P2RY8: variants seen among roughly 807,000 people sequenced by gnomAD.
P2RY8 encodes the protein P2Y receptor family member 8, also known as S-geranylgeranyl-glutathione receptor P2RY8.
Under a neutral mutation model 10.0 loss-of-function variants are expected in P2RY8, and 6 were observed. That is an observed-to-expected ratio of 0.60 (90% CI 0.33 to 1.19). P2RY8 has a LOEUF of 1.19. Ranked by LOEUF, P2RY8 falls within the 50% of genes most tolerant of loss-of-function variation. P2RY8 has a pLI of 0.04. For synonymous variants in P2RY8, 276 were observed against 252.5 expected, an observed-to-expected ratio of 1.09 and a Z score of -0.88; for missense variants, 456 against 542.0, an observed-to-expected ratio of 0.84 and a Z score of 1.58.
At chrX:1,472,918 G>T (rs1268890056) in intron 1 of P2RY8, among the ~76,000 whole-genome samples, 3 of 138,734 alleles carry the variant, frequency 2.2e-5, no homozygotes, top group African/African-American at 8.0e-5. Context: ...GGATGTGGAT[G>T]GGTAGATGGA....
At chrX:1,501,546 C>T (rs1367521288) in intron 1 of P2RY8, among the ~76,000 whole-genome samples, 8 of 151,860 alleles carry the variant, frequency 5.3e-5, no homozygotes, top group Non-Finnish European at 8.8e-5. Flanking sequence ...TTTTTGTAGA[C>T]ATAGGGGTCT....
rs1425189992 is a variant in P2RY8 at position 1,466,247 on chromosome X, G to A, written c.312C>T (p.Tyr104=). ...TGAGGATGCTGGAATACATGTTTGC[G>A]TAAAAGGCCACGGTCACCACGTTGC... ...LLCNVVTVAF[Y]ANMYSSILTM... The change falls in exon 2 of 2, where the codon TAC becomes TAT. Residue 104 remains tyrosine, a synonymous_variant. Coordinates refer to ENST00000381297, the MANE Select transcript of P2RY8 (RefSeq NM_178129.5). The A allele has an allele frequency of 1.2e-6, 2 of 1,613,688 alleles. No homozygotes were observed. The highest frequency in any genetic ancestry group is 1.7e-6 in the Non-Finnish European group (2 of 1,179,764).
chrX:1,478,572 G>A (rs1246051947), intron 1 of P2RY8, among the ~76,000 whole-genome samples: 1 of 151,878 alleles, frequency 6.6e-6, no homozygotes, highest in East Asian at 1.9e-4. Flanking sequence ...TCCGCCTCCC[G>A]GGTTCAAGCG....
intron 1 of P2RY8, among the ~76,000 whole-genome samples, chrX:1,521,036 T>TTTC (rs1251008578): frequency 1.9e-4 from 26 of 138,514 alleles, no homozygotes; most frequent in African/African-American, 6.7e-4. Context: ...TTTCTTTTCT[T>TTTC]TTTTTTTTTT....
At chrX:1,533,565 TA>T (rs1391436413) in intron 1 of P2RY8, among the ~76,000 whole-genome samples, 8 of 8,640 alleles carry the variant, frequency 9.3e-4, no homozygotes, top group African/African-American at 1.5e-3. Context: ...CTTATATATT[TA>T]TTATTTAAAT....
Position 1,465,410 on chromosome X carries a change from C to A in P2RY8, c.*69G>T. 2 of 1,527,790 alleles carry A rather than the reference C, an allele frequency of 1.3e-6. No individual in the cohort carries two copies. The highest frequency in any genetic ancestry group is 1.7e-6 in the Non-Finnish European group (2 of 1,145,336). The allele number at this position is 1,527,790 out of a possible 1,614,324, so 94.6% of individuals were successfully genotyped here. On this transcript the variant is annotated 3_prime_UTR_variant, in exon 2 of 2. Coordinates refer to ENST00000381297, the MANE Select transcript of P2RY8 (RefSeq NM_178129.5). ...GCTGTTCTCCCTGAACCTCTGGCACCGTGGCCTCTCCATGCGCCCCTGGAT... is the reference window on the plus strand; with the variant it reads ...GCTGTTCTCCCTGAACCTCTGGCACAGTGGCCTCTCCATGCGCCCCTGGAT...
intron 1 of P2RY8, among the ~76,000 whole-genome samples, chrX:1,506,683 T>C (rs1603457963): frequency 2.6e-5 from 2 of 77,598 alleles, no homozygotes; most frequent in African/African-American, 7.3e-5. Flanking sequence ...TCTTTCTTTC[T>C]TTTTTTTTTT....
At position 1,466,443 on chromosome X, in the gene P2RY8, G is replaced by T; in HGVS notation, c.116C>A (p.Pro39Gln). The T allele has an allele frequency of 6.2e-7, 1 of 1,612,690 alleles. No homozygotes were observed. Among genetic ancestry groups the T allele is most frequent in the Non-Finnish European group, 8.5e-7 (1 of 1,179,812 alleles). The change falls in exon 2 of 2, where the codon CCG becomes CAG. Residue 39 changes from proline to glutamine, a missense_variant. Pro to Gln is a moderately conservative substitution (Grantham distance 76). Coordinates refer to ENST00000381297, the MANE Select transcript of P2RY8 (RefSeq NM_178129.5). The stretch of plus-strand genomic sequence containing the variant: ...CACCCACAGAGAGAAGAGGTTGCCC[G>T]GGATGCTGACCGCCGCCACCAGCGA... ...VYSLVAAVSIPGNLFSLWVLC... is the reference protein window; with the variant it reads ...VYSLVAAVSIQGNLFSLWVLC...
intron 1 of P2RY8, among the ~76,000 whole-genome samples, chrX:1,517,835 G>A (rs181132781): frequency 1.3e-5 from 2 of 152,250 alleles, no homozygotes; most frequent in East Asian, 1.9e-4. Context: ...TCGGCCACAC[G>A]CGGTGGCTCA....
intron 1 of P2RY8, among the ~76,000 whole-genome samples, chrX:1,469,549 T>G (rs2091755711): frequency 6.6e-6 from 1 of 152,090 alleles, no homozygotes; most frequent in South Asian, 2.1e-4. Context: ...TCTCTCCTCT[T>G]GAGGGTCTGT....
At chrX:1,509,902 C>G (rs1309411284) in intron 1 of P2RY8, among the ~76,000 whole-genome samples, 5 of 151,142 alleles carry the variant, frequency 3.3e-5, no homozygotes, top group Non-Finnish European at 5.9e-5. Flanking sequence ...ATGTATGTAT[C>G]TATCTATCTT....
At chrX:1,536,267 G>GTT (rs763003094) in intron 1 of P2RY8, among the ~76,000 whole-genome samples, 3 of 145,520 alleles carry the variant, frequency 2.1e-5, no homozygotes, top group African/African-American at 2.5e-5. Context: ...GTTTTTTTTT[G>GTT]TTTTTTTTTT....
intron 1 of P2RY8, among the ~76,000 whole-genome samples, chrX:1,524,589 C>A (rs1439036315): frequency 7.2e-6 from 1 of 139,602 alleles, no homozygotes; most frequent in African/African-American, 2.7e-5. Context: ...ATCCATCCAT[C>A]CATCCATTCA....
chrX:1,508,717 TCTATCTATCTATCTA>T (rs2092258905), intron 1 of P2RY8, among the ~76,000 whole-genome samples: 1 of 84,216 alleles, frequency 1.2e-5, no homozygotes, highest in East Asian at 2.3e-4. Flanking sequence ...TATCTATCTA[TCTATCTATCTATCTA>T]TCTATCTATC....
chrX:1,535,159 C>G (rs1317398086), intron 1 of P2RY8, among the ~76,000 whole-genome samples: 1 of 144,966 alleles, frequency 6.9e-6, no homozygotes, highest in Non-Finnish European at 1.5e-5. Context: ...AATGAAAGTA[C>G]TGCTTTTCCA....
At chrX:1,481,391 C>T (rs1361904084) in intron 1 of P2RY8, among the ~76,000 whole-genome samples, 40 of 152,114 alleles carry the variant, frequency 2.6e-4, no homozygotes, top group Non-Finnish European at 4.6e-4. Context: ...CTTGAACTCC[C>T]GACCTCAGGT....
intron 1 of P2RY8, among the ~76,000 whole-genome samples, chrX:1,515,062 C>T (rs2092335393): frequency 6.7e-6 from 1 of 150,330 alleles, no homozygotes; most frequent in Non-Finnish European, 1.5e-5. Context: ...GCACCCACCA[C>T]CACACCCAGC....
intron 1 of P2RY8, among the ~76,000 whole-genome samples, chrX:1,491,962 G>A (rs2092056587): frequency 2.0e-5 from 3 of 152,208 alleles, no homozygotes; most frequent in Admixed American, 1.3e-4. Flanking sequence ...GGCGGCAGGG[G>A]CAGTGTGGAC....
At chrX:1,470,608 T>C (rs2091772259) in intron 1 of P2RY8, among the ~76,000 whole-genome samples, 1 of 152,126 alleles carries the variant, frequency 6.6e-6, no homozygotes, top group South Asian at 2.1e-4. Context: ...ATCTGCTTCC[T>C]GTCTCTGTGG....
Sources: gnomAD v4.1 joint callset for allele counts (sites outside exome capture counted in the v4.1 genomes callset) on GRCh38, gnomAD v4.1.1 for gene constraint, MANE v1.5 for transcripts, NCBI Gene and HGNC (gene_info 2026-07-23, HGNC 2026-07-21) for gene names.